Variants in PDE2A observed in about 807,000 individuals in gnomAD.
The protein encoded by PDE2A is phosphodiesterase 2A, also known as cGMP-dependent 3',5'-cyclic phosphodiesterase.
PDE2A carries 53 observed loss-of-function variants against 133.6 expected under a neutral mutation model. That is an observed-to-expected ratio of 0.40 (90% CI 0.32 to 0.50). The LOEUF (loss-of-function observed/expected upper bound fraction) is 0.50, where lower values mean the gene tolerates loss of function less well. PDE2A is among the 20% of genes least tolerant of loss of function. The probability of loss-of-function intolerance (pLI) is 0.73; values close to 1 mark genes in which losing one functional copy is unlikely to be tolerated. For synonymous variants in PDE2A, 491 were observed against 490.2 expected (o/e 1.00, Z -0.02); for missense variants, 796 against 1,232.4 (o/e 0.65, Z 5.30).
chr11:72,646,975 A>G (rs1207692098), intron 1 of PDE2A, among the ~76,000 whole-genome samples: 1 of 152,018 alleles, frequency 6.6e-6, no homozygotes, highest in East Asian at 1.9e-4. Flanking sequence ...AGCCCCCACC[A>G]TCTCCCCAGT....
At chr11:72,584,166 A>AAAACCCC in intron 19 of PDE2A, 35 bp downstream of exon 19, 5 of 777,812 alleles carry the variant, frequency 6.4e-6, no homozygotes, top group East Asian at 2.8e-5. Flanking sequence ...CCCGCCCCCT[A>AAAACCCC]TCACCCCACA....
intron 4 of PDE2A, among the ~76,000 whole-genome samples, chr11:72,599,840 C>G (rs559056410): frequency 1.3e-5 from 2 of 152,292 alleles, no homozygotes; most frequent in African/African-American, 4.8e-5. Flanking sequence ...GATCAACGTA[C>G]AGACCCACGC....
At chr11:72,624,658 T>C (rs1276988886) in intron 2 of PDE2A, among the ~76,000 whole-genome samples, 2 of 152,256 alleles carry the variant, frequency 1.3e-5, no homozygotes, top group African/African-American at 4.8e-5. Context: ...ACCCTCCATG[T>C]GCTCACTGTC....
intron 6 of PDE2A, among the ~76,000 whole-genome samples, chr11:72,595,269 C>T (rs998337204): frequency 6.6e-6 from 1 of 152,192 alleles, no homozygotes; most frequent in East Asian, 1.9e-4. Flanking sequence ...CGTGACCCAG[C>T]CACCACCTCC....
intron 6 of PDE2A, among the ~76,000 whole-genome samples, chr11:72,592,066 C>T (rs1856277630): frequency 1.3e-5 from 2 of 152,186 alleles, no homozygotes; most frequent in Admixed American, 1.3e-4. Context: ...ATCATCCTGT[C>T]CCTCTCCAAG....
chr11:72,610,384 T>C (rs1857152855), intron 2 of PDE2A, among the ~76,000 whole-genome samples: 3 of 151,786 alleles, frequency 2.0e-5, no homozygotes, highest in Non-Finnish European at 2.9e-5. Flanking sequence ...TGCACAAGAG[T>C]GGGCTGAATG....
intron 2 of PDE2A, among the ~76,000 whole-genome samples, chr11:72,610,760 C>T (rs1182514242): frequency 6.6e-6 from 1 of 152,200 alleles, no homozygotes; most frequent in Non-Finnish European, 1.5e-5. Flanking sequence ...ACAACTTCAG[C>T]ACCACACAGC....
chr11:72,664,684 A>T (rs1280142927), intron 1 of PDE2A, among the ~76,000 whole-genome samples: 1 of 151,196 alleles, frequency 6.6e-6, no homozygotes, highest in Non-Finnish European at 1.5e-5. Context: ...CCCTGGAAGG[A>T]TTATTTAAGG....
At chr11:72,579,095 G>T in intron 27 of PDE2A, 86 bp from the exon 28 acceptor site, 2 of 1,089,868 alleles carry the variant, frequency 1.8e-6, no homozygotes, top group Non-Finnish European at 2.8e-6. Flanking sequence ...AACCCAGAGC[G>T]GTCCAGGGAA....
At chr11:72,640,700 C>G (rs761502657) in intron 2 of PDE2A, among the ~76,000 whole-genome samples, 1 of 152,164 alleles carries the variant, frequency 6.6e-6, no homozygotes, top group Non-Finnish European at 1.5e-5. Context: ...ACCATCAGGC[C>G]CCTGCAGTGG....
At chr11:72,611,632 C>G (rs1857216290) in intron 2 of PDE2A, among the ~76,000 whole-genome samples, 1 of 152,122 alleles carries the variant, frequency 6.6e-6, no homozygotes, top group Non-Finnish European at 1.5e-5. Context: ...GGAAGGGCTT[C>G]CCATCTGTGC....
intron 2 of PDE2A, among the ~76,000 whole-genome samples, chr11:72,621,209 C>T (rs1014621349): frequency 6.6e-6 from 1 of 152,144 alleles, no homozygotes; most frequent in African/African-American, 2.4e-5. Flanking sequence ...GTGCCCACAT[C>T]CTGCCTCCAG....
chr11:72,629,908 C>T (rs758216109), intron 2 of PDE2A, among the ~76,000 whole-genome samples: 2 of 152,170 alleles, frequency 1.3e-5, no homozygotes, highest in East Asian at 3.9e-4. Context: ...TCCTGGCACA[C>T]AGGAGGGCTG....
At chr11:72,654,151 G>A (rs1436660599) in intron 1 of PDE2A, among the ~76,000 whole-genome samples, 2 of 152,274 alleles carry the variant, frequency 1.3e-5, no homozygotes, top group Middle Eastern at 3.4e-3. Flanking sequence ...CCAATAGCAG[G>A]CCCTGTGTCG....
In PDE2A at chr11:72,582,560, C is replaced by T. The variant is rs771823432; in HGVS notation, c.1735G>A (p.Asp579Asn). 3.1e-6 allele frequency: 5 copies of T among 1,612,330 alleles called. No homozygotes were observed. Among genetic ancestry groups the T allele is most frequent in the South Asian group, 2.2e-5 (2 of 90,902 alleles). Residue 579 changes from aspartate (D) to asparagine (N), a missense_variant, in exon 21 of 31, where the codon GAT becomes AAT. Coordinates refer to ENST00000334456, the MANE Select transcript of PDE2A (RefSeq NM_002599.5). ...EMMMYHMKVS[D>N]DEYTKLLHDG... ...TGGAGAAGTTTGGTATACTCATCATCGGAGACCTAGAGGAGACCAGCCAGA... is the reference window on the plus strand; with the variant it reads ...TGGAGAAGTTTGGTATACTCATCATTGGAGACCTAGAGGAGACCAGCCAGA...
At chr11:72,665,958 G>A (rs976523292) in intron 1 of PDE2A, among the ~76,000 whole-genome samples, 5 of 151,406 alleles carry the variant, frequency 3.3e-5, no homozygotes, top group Non-Finnish European at 5.9e-5. Context: ...AGAAGAAATT[G>A]AGGCTTCCAG....
chr11:72,644,733 ATTTTAT>A (rs1859082637), intron 1 of PDE2A, among the ~76,000 whole-genome samples: 1 of 21,394 alleles, frequency 4.7e-5, no homozygotes, highest in African/African-American at 1.8e-4. Flanking sequence ...TATTTATTTT[ATTTTAT>A]TTTATTTTAT....
intron 2 of PDE2A, among the ~76,000 whole-genome samples, chr11:72,625,656 C>T (rs1858021923): frequency 6.6e-6 from 1 of 152,080 alleles, no homozygotes; most frequent in Non-Finnish European, 1.5e-5. Context: ...AGGTGGAGGG[C>T]ATTTGTGGGG....
chr11:72,595,866 C>T (rs960700894), intron 6 of PDE2A, among the ~76,000 whole-genome samples: 3 of 152,164 alleles, frequency 2.0e-5, no homozygotes, highest in African/African-American at 7.2e-5. Flanking sequence ...CCACAATCCC[C>T]TCCACGGAGC....
Sources: allele counts gnomAD v4.1 joint callset (sites outside exome capture counted in the v4.1 genomes callset), GRCh38; gene constraint gnomAD v4.1.1; transcripts MANE v1.5; gene names NCBI Gene and HGNC (gene_info 2026-07-23, HGNC 2026-07-21).